The following MARCHF1 variants were observed in gnomAD, a reference collection of about 807,000 sequenced individuals.
The protein encoded by MARCHF1 is E3 ubiquitin-protein ligase MARCHF1.
In MARCHF1, 40 loss-of-function variants were observed where a neutral mutation model predicts 54.2. The observed-to-expected ratio is 0.74, with a 90% confidence interval of 0.57 to 0.96. MARCHF1 has a LOEUF of 0.96. Among genes scored for constraint, MARCHF1 ranks in the 40% least tolerant of loss-of-function variants. The pLI, the probability that MARCHF1 is intolerant of heterozygous loss-of-function variation, is 0.00. For synonymous variants in MARCHF1, 236 were observed against 236.3 expected (o/e 1.00, Z 0.01); for missense variants, 586 against 656.5 (o/e 0.89, Z 1.17).
intron 4 of MARCHF1, among the ~76,000 whole-genome samples, chr4:163,717,054 G>A (rs978024739): frequency 6.6e-6 from 1 of 151,560 alleles, no homozygotes; most frequent in Non-Finnish European, 1.5e-5. Flanking sequence ...GTGCAGGTTT[G>A]TTACATATGT....
intron 3 of MARCHF1, among the ~76,000 whole-genome samples, chr4:163,938,367 A>G (rs898618827): frequency 6.6e-6 from 1 of 152,202 alleles, no homozygotes; most frequent in Non-Finnish European, 1.5e-5. Flanking sequence ...TCACTCAGCA[A>G]TGAGGTGACT....
intron 3 of MARCHF1, among the ~76,000 whole-genome samples, chr4:163,977,923 G>C (rs1295367950): frequency 6.6e-6 from 1 of 152,026 alleles, no homozygotes; most frequent in African/African-American, 2.4e-5. Flanking sequence ...TAAAATAAAA[G>C]GCAATCAGGA....
chr4:164,304,493 C>CA (rs1230454826), intron 1 of MARCHF1, among the ~76,000 whole-genome samples: 1 of 152,186 alleles, frequency 6.6e-6, no homozygotes, highest in Non-Finnish European at 1.5e-5. Flanking sequence ...TATAGCACTA[C>CA]AGCAGTGGTC....
At chr4:164,173,282 AT>A (rs1178471309) in intron 1 of MARCHF1, among the ~76,000 whole-genome samples, 1 of 149,312 alleles carries the variant, frequency 6.7e-6, no homozygotes, top group Non-Finnish European at 1.5e-5. Context: ...AAAATTAACA[AT>A]TGGTTATAAT....
At chr4:163,547,234 C>A (rs540919761) in intron 8 of MARCHF1, among the ~76,000 whole-genome samples, 20 of 152,338 alleles carry the variant, frequency 1.3e-4, no homozygotes, top group Admixed American at 8.5e-4. Flanking sequence ...TCATGAGGAG[C>A]AGATTTCAAC....
intron 4 of MARCHF1, among the ~76,000 whole-genome samples, chr4:163,720,199 T>C (rs1193353251): frequency 6.6e-6 from 1 of 152,228 alleles, no homozygotes; most frequent in Non-Finnish European, 1.5e-5. Flanking sequence ...TGAATTAATT[T>C]TTGTGTAAGA....
intron 1 of MARCHF1, among the ~76,000 whole-genome samples, chr4:164,248,381 A>ATATC (rs1298213018): frequency 1.3e-5 from 2 of 152,174 alleles, no homozygotes; most frequent in African/African-American, 4.8e-5. Context: ...AGCCTTTTAG[A>ATATC]TATCTGCCTA....
intron 1 of MARCHF1, among the ~76,000 whole-genome samples, chr4:164,171,587 T>C (rs968135892): frequency 4.7e-5 from 6 of 128,366 alleles, no homozygotes; most frequent in African/African-American, 1.5e-4. Context: ...AAAGTAGGAA[T>C]ACATTATTTT....
intron 5 of MARCHF1, among the ~76,000 whole-genome samples, chr4:163,624,460 T>C (rs975329247): frequency 5.9e-5 from 9 of 152,204 alleles, no homozygotes; most frequent in African/African-American, 2.2e-4. Flanking sequence ...TCCTTTACTG[T>C]CTCACTGCCT....
chr4:163,909,103 T>A (rs1349123001), intron 3 of MARCHF1, among the ~76,000 whole-genome samples: 2 of 152,190 alleles, frequency 1.3e-5, no homozygotes, highest in Non-Finnish European at 2.9e-5. Context: ...GGATTAAAAA[T>A]TATTTTTAAT....
intron 1 of MARCHF1, among the ~76,000 whole-genome samples, chr4:164,349,453 C>T (rs539743838): frequency 1.3e-3 from 196 of 152,102 alleles, no homozygotes; most frequent in African/African-American, 4.5e-3. Context: ...GATAACAATC[C>T]CATTCAGAAC....
At chr4:164,198,256 T>C (rs1425735984) in intron 1 of MARCHF1, among the ~76,000 whole-genome samples, 3 of 152,222 alleles carry the variant, frequency 2.0e-5, no homozygotes, top group East Asian at 1.9e-4. Context: ...TCATGAATTA[T>C]GAATTTTCCA....
At chr4:164,335,932 A>C (rs1331604613) in intron 1 of MARCHF1, among the ~76,000 whole-genome samples, 1 of 152,162 alleles carries the variant, frequency 6.6e-6, no homozygotes, top group Non-Finnish European at 1.5e-5. Flanking sequence ...CAATCAGGCA[A>C]GCTTAGTATG....
chr4:163,573,793 A>G (rs1739934161), intron 8 of MARCHF1, among the ~76,000 whole-genome samples: 1 of 152,010 alleles, frequency 6.6e-6, no homozygotes, highest in South Asian at 2.1e-4. Flanking sequence ...GTGTCTTTAT[A>G]GCAGCATGAT....
At chr4:164,380,854 G>T (rs1233325144) in intron 1 of MARCHF1, among the ~76,000 whole-genome samples, 1 of 152,118 alleles carries the variant, frequency 6.6e-6, no homozygotes, top group Non-Finnish European at 1.5e-5. Context: ...AATGTTTTGT[G>T]ATCCATAAAA....
chr4:163,697,689 C>G (rs558490841), intron 5 of MARCHF1, among the ~76,000 whole-genome samples: 58 of 152,164 alleles, frequency 3.8e-4, no homozygotes, highest in African/African-American at 1.2e-3. Context: ...TGTCTAAGGA[C>G]AGGAGATGGC....
chr4:163,806,905 GA>G (rs564845521), intron 4 of MARCHF1, among the ~76,000 whole-genome samples: 11 of 151,178 alleles, frequency 7.3e-5, no homozygotes, highest in East Asian at 5.8e-4. Context: ...AGATAAATGT[GA>G]AAAAAAAGTA....
At chr4:163,858,098 G>GA (rs1749817407) in intron 3 of MARCHF1, among the ~76,000 whole-genome samples, 1 of 84,106 alleles carries the variant, frequency 1.2e-5, no homozygotes, top group Non-Finnish European at 2.5e-5. Flanking sequence ...CAACTCCGGG[G>GA]GGTGGGGGGG....
intron 4 of MARCHF1, among the ~76,000 whole-genome samples, chr4:163,723,374 A>T (rs1027609717): frequency 6.6e-6 from 1 of 152,116 alleles, no homozygotes; most frequent in Admixed American, 6.5e-5. Context: ...TGGCTTGTAG[A>T]GTTTCTGCTG....
Sources: allele counts gnomAD v4.1 joint callset (sites outside exome capture counted in the v4.1 genomes callset), GRCh38; gene constraint gnomAD v4.1.1; transcripts MANE v1.5; gene names NCBI Gene and HGNC (gene_info 2026-07-23, HGNC 2026-07-21).